The following TGFBR1 variants were observed in gnomAD, a reference collection of about 807,000 sequenced individuals.
The protein encoded by TGFBR1 is transforming growth factor beta receptor 1, also known as TGF-beta receptor type-1.
In TGFBR1, 20 loss-of-function variants were observed where a neutral mutation model predicts 55.1. The ratio of observed to expected loss-of-function variants is 0.36; its 90% CI spans 0.26 to 0.53. The LOEUF (loss-of-function observed/expected upper bound fraction) is 0.53, where lower values mean the gene tolerates loss of function less well. Among genes scored for constraint, TGFBR1 ranks in the 20% least tolerant of loss-of-function variants. The pLI is 0.91. For missense variants in TGFBR1, 385 were observed against 617.6 expected, an observed-to-expected ratio of 0.62 and a Z score of 3.99; for synonymous variants, 220 against 214.8, an observed-to-expected ratio of 1.02 and a Z score of -0.21.
At chr9:99,127,384 G>GC (rs1031755111) in intron 1 of TGFBR1, among the ~76,000 whole-genome samples, 1 of 152,048 alleles carries the variant, frequency 6.6e-6, no homozygotes, top group East Asian at 1.9e-4. Flanking sequence ...CTCCTACCCG[G>GC]CCCCCCAGCA....
intron 8 of TGFBR1, 56 bp downstream of exon 8, chr9:99,147,840 C>A: frequency 6.2e-7 from 1 of 1,600,886 alleles, no homozygotes; most frequent in Non-Finnish European, 8.5e-7. Flanking sequence ...GCTTAGTAAG[C>A]AAAAGTTTGC....
intron 1 of TGFBR1, among the ~76,000 whole-genome samples, chr9:99,108,698 TACTG>T (rs1285645906): frequency 8.5e-5 from 13 of 152,206 alleles, no homozygotes; most frequent in Admixed American, 6.5e-5. Context: ...ACAAGGCTTT[TACTG>T]ACTGACTGGC....
intron 3 of TGFBR1, among the ~76,000 whole-genome samples, chr9:99,133,068 G>A (rs1161731129): frequency 6.6e-6 from 1 of 152,204 alleles, no homozygotes; most frequent in Non-Finnish European, 1.5e-5. Context: ...TCATATAGAT[G>A]AAGCTGAAGG....
chr9:99,138,923 G>C (rs560587525), intron 4 of TGFBR1, among the ~76,000 whole-genome samples: 1 of 151,894 alleles, frequency 6.6e-6, no homozygotes, highest in Non-Finnish European at 1.5e-5. Context: ...TCAGCTTCTC[G>C]AGTAGCTGGG....
chr9:99,121,074 T>G (rs1204111574), intron 1 of TGFBR1, among the ~76,000 whole-genome samples: 6 of 152,198 alleles, frequency 3.9e-5, no homozygotes, highest in Non-Finnish European at 7.3e-5. Flanking sequence ...AGATGTGATG[T>G]GGGTTAAATG....
At chr9:99,106,616 G>A (rs1182270647) in intron 1 of TGFBR1, among the ~76,000 whole-genome samples, 1 of 152,126 alleles carries the variant, frequency 6.6e-6, no homozygotes, top group African/African-American at 2.4e-5. Context: ...TGCAAAGTGG[G>A]GTACAGACAC....
rs1828018119 is a variant in TGFBR1 at position 99,152,948 on chromosome 9, A to G, written c.*3643A>G. 1 of 229,406 alleles carries G rather than the reference A, an allele frequency of 4.4e-6. No individual in the cohort carries two copies. The highest frequency in any genetic ancestry group is 2.2e-5 in the African/African-American group (1 of 45,152). 14.2% of individuals were successfully genotyped at this position (229,406 alleles called of 1,614,324 possible). Reference sequence around the variant, plus strand: ...ATTATGCAATCTTGTTTGTAAATGTAAACTTCTAAAAATATGGTTAATAAC... The same window carrying G: ...ATTATGCAATCTTGTTTGTAAATGTGAACTTCTAAAAATATGGTTAATAAC... On this transcript the variant is annotated 3_prime_UTR_variant, in exon 9 of 9. Transcript: ENST00000374994.
chr9:99,148,567 C>T lies in TGFBR1; in HGVS notation c.1387-613C>T, dbSNP rs1224118840. On this transcript the variant is annotated intron_variant, in intron 8 of 8. Transcript: ENST00000374994. The stretch of plus-strand genomic sequence containing the variant: ...TAAACTATTGTAGGACTCAGCAGAA[C>T]CTCTGATAAGCAAGAGAGCTTGCTA... Among the ~76,000 whole-genome samples the T allele has an allele frequency of 2.0e-5, 3 of 152,258 alleles. No individual in the cohort carries two copies. The East Asian group carries it at 5.8e-4, about 29-fold the overall frequency.
intron 3 of TGFBR1, among the ~76,000 whole-genome samples, chr9:99,134,560 C>T (rs2118656990): frequency 6.6e-6 from 1 of 151,952 alleles, no homozygotes; most frequent in South Asian, 2.1e-4. Flanking sequence ...AATCAAGGAC[C>T]AGAGTCACAG....
intron 1 of TGFBR1, among the ~76,000 whole-genome samples, chr9:99,116,702 C>G (rs1826753506): frequency 6.6e-6 from 1 of 152,146 alleles, no homozygotes; most frequent in Admixed American, 6.5e-5. Flanking sequence ...AGCCATGATG[C>G]TACTGTATCA....
upstream of TGFBR1, among the ~76,000 whole-genome samples, chr9:99,103,831 G>GAGATGAA (rs1157097824): frequency 6.6e-6 from 1 of 152,220 alleles, no homozygotes; most frequent in Non-Finnish European, 1.5e-5. Flanking sequence ...CTCCCGGAAG[G>GAGATGAA]AAGCCTTCAC....
intron 3 of TGFBR1, among the ~76,000 whole-genome samples, chr9:99,135,644 T>C (rs892310092): frequency 6.6e-6 from 1 of 152,170 alleles, no homozygotes; most frequent in Non-Finnish European, 1.5e-5. Flanking sequence ...GGCCAGTGTT[T>C]GTTATGGCGT....
Position 99,116,176 on chromosome 9 carries a change from A to T in TGFBR1, c.97+10874A>T, listed in dbSNP as rs199649614. On this transcript the variant is annotated intron_variant, in intron 1 of 8. Transcript: ENST00000374994. ...ATAATTGTTTCTTCACTTTATTCTT[A>T]AAAAAAAAAAAAAAGGCCACATAAG... Among the ~76,000 whole-genome samples the T allele has an allele frequency of 6.4e-4, 49 of 76,472 alleles. 1 individual carries two copies. In the South Asian group the frequency reaches 0.017, roughly 26 times the overall value. The allele number at this position is 76,472 out of a possible 152,430, so 50.2% of individuals were successfully genotyped here.
At position 99,150,609 on chromosome 9, in the gene TGFBR1, TTTGA is replaced by T. The variant is rs1827956319; in HGVS notation, c.*1305_*1308del. The T allele has an allele frequency of 1.9e-5, 4 of 215,032 alleles. No individual in the cohort carries two copies. The highest frequency in any genetic ancestry group is 9.0e-5 in the African/African-American group (4 of 44,508). The allele number at this position is 215,032 out of a possible 1,614,324, so 13.3% of individuals were successfully genotyped here. A position where few individuals can be genotyped will look rare whatever the true frequency, so the allele number is the denominator to read the frequency against. On this transcript the variant is annotated 3_prime_UTR_variant, in exon 9 of 9. Transcript: ENST00000374994. ...TAACTGAGGTTAGAGCTAGTGTGGTTTTGAGGTCTCACTACACTTTGAGGAAGGC... is the reference window on the plus strand; with the variant it reads ...TAACTGAGGTTAGAGCTAGTGTGGTTGGTCTCACTACACTTTGAGGAAGGC...
In TGFBR1 at chr9:99,138,235, A is replaced by C. The variant is rs1588585846; in HGVS notation, c.805+146A>C. 4.3e-6 allele frequency: 3 copies of C among 690,456 alleles called. No homozygotes were observed. The East Asian group carries it at 8.2e-5, about 19-fold the overall frequency. 42.8% of individuals were successfully genotyped at this position (690,456 alleles called of 1,614,324 possible). A position where few individuals can be genotyped will look rare whatever the true frequency, so the allele number is the denominator to read the frequency against. On this transcript the variant is annotated intron_variant, in intron 4 of 8. Coordinates refer to ENST00000374994, the MANE Select transcript of TGFBR1 (RefSeq NM_004612.4). ...CCCATTAAGTCGAATACAATATATT[A>C]GTAACTTTTAGAACTAGGAACTTCT...
intron 1 of TGFBR1, among the ~76,000 whole-genome samples, chr9:99,126,939 G>T (rs1412317112): frequency 1.3e-5 from 2 of 152,196 alleles, no homozygotes; most frequent in African/African-American, 4.8e-5. Context: ...TAATAGACAA[G>T]TATGTGAATT....
chr9:99,139,554 CTG>C (rs777677062), intron 4 of TGFBR1, among the ~76,000 whole-genome samples: 22 of 152,170 alleles, frequency 1.4e-4, no homozygotes, highest in Non-Finnish European at 3.2e-4. Context: ...TCTGCCCTAA[CTG>C]TGTTATTTGA....
At chr9:99,127,975 A>G (rs1827087744) in intron 1 of TGFBR1, 1 of 456,006 alleles carries the variant, frequency 2.2e-6, no homozygotes, top group Non-Finnish European at 4.4e-6. Flanking sequence ...GTTTCATAGG[A>G]GAAAGAAAAA....
intron 1 of TGFBR1, among the ~76,000 whole-genome samples, chr9:99,115,119 T>C (rs1249153255): frequency 6.6e-6 from 1 of 152,188 alleles, no homozygotes; most frequent in Non-Finnish European, 1.5e-5. Context: ...ATAGAAGTCT[T>C]TGTACATGGG....
Sources: allele counts gnomAD v4.1 joint callset (sites outside exome capture counted in the v4.1 genomes callset), GRCh38; gene constraint gnomAD v4.1.1; transcripts MANE v1.5; gene names NCBI Gene and HGNC (gene_info 2026-07-23, HGNC 2026-07-21).